The following CARMIL1 variants were observed in gnomAD, a reference collection of about 807,000 sequenced individuals.
The protein encoded by CARMIL1 is capping protein regulator and myosin 1 linker 1.
In CARMIL1, 90 loss-of-function variants were observed where a neutral mutation model predicts 177.1. The observed-to-expected ratio is 0.51, with a 90% CI of 0.43 to 0.61. The LOEUF (loss-of-function observed/expected upper bound fraction) is 0.61, where lower values mean the gene tolerates loss of function less well. Among genes scored for constraint, CARMIL1 ranks in the 20% least tolerant of loss-of-function variants. The probability of loss-of-function intolerance (pLI) is 0.00; values close to 1 mark genes in which losing one functional copy is unlikely to be tolerated. For missense variants in CARMIL1, 1,380 were observed against 1,667.0 expected, an observed-to-expected ratio of 0.83 and a Z score of 3.00; for synonymous variants, 577 against 606.2, an observed-to-expected ratio of 0.95 and a Z score of 0.71.
In CARMIL1 at chr6:25,477,123, A is replaced by C. The variant is rs148376122; in HGVS notation, c.874+4602A>C. The stretch of plus-strand genomic sequence containing the variant: ...AAAAACAAAAAACAAACAACAACAA[A>C]AAAAAAACAAGGGAGATAAGGTCTT... On this transcript the variant is annotated intron_variant, in intron 11 of 36. Coordinates refer to ENST00000329474, the MANE Select transcript of CARMIL1 (RefSeq NM_017640.6). 8.0e-4 allele frequency among the ~76,000 whole-genome samples: 122 copies of C among 152,044 alleles called. No homozygotes were observed. The East Asian group carries it at 9.8e-3, about 12-fold the overall frequency.
intron 5 of CARMIL1, among the ~76,000 whole-genome samples, chr6:25,446,072 G>A (rs1351427844): frequency 1.3e-5 from 2 of 152,100 alleles, no homozygotes; most frequent in African/African-American, 2.4e-5. Context: ...AGGCTTTCTT[G>A]TTCTATTGTG....
intron 2 of CARMIL1, among the ~76,000 whole-genome samples, chr6:25,302,435 C>A (rs1782928426): frequency 6.6e-6 from 1 of 152,190 alleles, no homozygotes; most frequent in African/African-American, 2.4e-5. Flanking sequence ...AATCAGGATT[C>A]TCTTATTCTC....
At chr6:25,484,497 G>A (rs1276620682) in intron 12 of CARMIL1, among the ~76,000 whole-genome samples, 4 of 152,206 alleles carry the variant, frequency 2.6e-5, no homozygotes, top group Non-Finnish European at 5.9e-5. Flanking sequence ...AGGAGTCAGT[G>A]TTTTCAGACC....
intron 5 of CARMIL1, among the ~76,000 whole-genome samples, chr6:25,436,050 G>C (rs1265746338): frequency 1.3e-5 from 2 of 152,142 alleles, no homozygotes; most frequent in African/African-American, 4.8e-5. Flanking sequence ...AAAATTGAAT[G>C]TAAAAATCCC....
chr6:25,550,347 CATA>C (rs1809959395), intron 26 of CARMIL1, among the ~76,000 whole-genome samples: 1 of 152,110 alleles, frequency 6.6e-6, no homozygotes, highest in Non-Finnish European at 1.5e-5. Flanking sequence ...TTATTGCTGT[CATA>C]ATAATTAATA....
chr6:25,344,330 C>G (rs1266944852), intron 2 of CARMIL1, among the ~76,000 whole-genome samples: 1 of 152,128 alleles, frequency 6.6e-6, no homozygotes, highest in Non-Finnish European at 1.5e-5. Context: ...TCTCCCCTTC[C>G]CCAGCTTGGA....
chr6:25,588,480 G>A (rs1157831392), intron 31 of CARMIL1, among the ~76,000 whole-genome samples: 1 of 152,120 alleles, frequency 6.6e-6, no homozygotes, highest in African/African-American at 2.4e-5. Flanking sequence ...TCATACCTCT[G>A]AGGTTTTAAG....
chr6:25,281,136 G>GCGCGCACACACACACACACACACACACA, intron 1 of CARMIL1, among the ~76,000 whole-genome samples: 1 of 132,194 alleles, frequency 7.6e-6, no homozygotes, highest in East Asian at 2.4e-4. Context: ...GTGCGCGCGC[G>GCGCGCACACACACACACACACACACACA]CACACACACA....
At chr6:25,586,954 A>AAGAGGGAGAGAGACCGTGGAGAGAGAGGG (rs1166629150) in intron 31 of CARMIL1, among the ~76,000 whole-genome samples, 2 of 145,840 alleles carry the variant, frequency 1.4e-5, no homozygotes, top group Non-Finnish European at 3.0e-5. Context: ...GAGAGAGAGG[A>AAGAGGGAGAGAGACCGTGGAGAGAGAGGG]AGAGGGAGAG....
At chr6:25,537,766 T>A in intron 24 of CARMIL1, 89 bp from the exon 25 acceptor site, 2 of 1,509,568 alleles carry the variant, frequency 1.3e-6, no homozygotes, top group Non-Finnish European at 1.8e-6. Context: ...TTGCTGAAGT[T>A]TTTTTCATAC....
chr6:25,563,961 T>TA (rs981289813), intron 29 of CARMIL1: 19 of 682,334 alleles, frequency 2.8e-5, no homozygotes, highest in Non-Finnish European at 3.4e-5. Context: ...CAACCAGGAT[T>TA]AAAAAAAATG....
At chr6:25,387,113 C>CTAAAAAAAAAAAAAAAAAAAAAA (rs1581762422) in intron 2 of CARMIL1, among the ~76,000 whole-genome samples, 1 of 21,822 alleles carries the variant, frequency 4.6e-5, no homozygotes, top group African/African-American at 2.0e-4. Flanking sequence ...GACTCTGTCT[C>CTAAAAAAAAAAAAAAAAAAAAAA]CAAAAAAAAA....
intron 12 of CARMIL1, among the ~76,000 whole-genome samples, chr6:25,486,930 C>T (rs1802716158): frequency 6.6e-6 from 1 of 151,894 alleles, no homozygotes; most frequent in Non-Finnish European, 1.5e-5. Context: ...CCCTAATGGT[C>T]TTTGCAATTT....
chr6:25,388,209 A>G (rs1296563532), intron 2 of CARMIL1: 1 of 152,218 alleles, frequency 6.6e-6, no homozygotes, highest in African/African-American at 2.4e-5. Context: ...TCTCTCTACA[A>G]CAGTAGAGTA....
intron 11 of CARMIL1, 108 bp downstream of exon 11, chr6:25,472,629 T>G (rs969500907): frequency 1.4e-5 from 12 of 838,320 alleles, no homozygotes; most frequent in Non-Finnish European, 2.3e-5. Context: ...TAATTATAAG[T>G]GCTGTTAATG....
chr6:25,369,024 C>T (rs753326736), intron 2 of CARMIL1, among the ~76,000 whole-genome samples: 18 of 152,224 alleles, frequency 1.2e-4, no homozygotes, highest in Non-Finnish European at 2.1e-4. Context: ...AAACCCCTTA[C>T]ATGATTAGAT....
chr6:25,600,383 T>G lies in CARMIL1; in HGVS notation c.3189T>G (p.Asp1063Glu). 1 of 1,613,940 alleles carries G rather than the reference T, an allele frequency of 6.2e-7. No homozygotes were observed. Among genetic ancestry groups the G allele is most frequent in the South Asian group, 1.1e-5 (1 of 91,080 alleles). ...GAGGAGATGAAAAGAAAAAGCGAGA[T>G]TCTCGGAAAAGTAGTGGCTTTCTCA... Reference protein sequence around the residue: ...NEGGDEKKKRDSRKSSGFLNL... With the variant: ...NEGGDEKKKRESRKSSGFLNL... Residue 1063 changes from aspartate (D) to glutamate (E), a missense_variant, in exon 33 of 37, where the codon GAT becomes GAG. Coordinates refer to ENST00000329474, the MANE Select transcript of CARMIL1 (RefSeq NM_017640.6).
intron 17 of CARMIL1, among the ~76,000 whole-genome samples, chr6:25,503,662 C>A (rs1264752656): frequency 6.6e-6 from 1 of 152,042 alleles, no homozygotes; most frequent in African/African-American, 2.4e-5. Flanking sequence ...AGCTATAAAC[C>A]CTCTCCACTC....
chr6:25,401,440 A>C (rs544544488), intron 2 of CARMIL1, among the ~76,000 whole-genome samples: 2 of 152,380 alleles, frequency 1.3e-5, no homozygotes, highest in Non-Finnish European at 2.9e-5. Context: ...TACAAGACAC[A>C]GGAACTCAAG....
Sources: allele counts gnomAD v4.1 joint callset (sites outside exome capture counted in the v4.1 genomes callset), GRCh38; gene constraint gnomAD v4.1.1; transcripts MANE v1.5; gene names NCBI Gene and HGNC (gene_info 2026-07-23, HGNC 2026-07-21).